JADE3: variants seen among roughly 807,000 people sequenced by gnomAD.
The protein encoded by JADE3 is jade family PHD finger 3, also known as protein Jade-3.
JADE3 carries 2 observed loss-of-function variants against 50.1 expected under a neutral mutation model. The observed-to-expected ratio is 0.04, with a 90% CI of 0.02 to 0.13. The LOEUF (loss-of-function observed/expected upper bound fraction) is 0.13, where lower values mean the gene tolerates loss of function less well. JADE3 is among the 10% of genes least tolerant of loss of function. The probability of loss-of-function intolerance (pLI) is 1.00; values close to 1 mark genes in which losing one functional copy is unlikely to be tolerated. For missense variants in JADE3, 475 were observed against 634.4 expected (o/e 0.75, Z 2.70); for synonymous variants, 218 against 232.9 (o/e 0.94, Z 0.58).
intron 5 of JADE3, 61 bp downstream of exon 5, chrX:47,024,975 G>A (rs1928878217): frequency 1.7e-6 from 1 of 596,594 alleles, no homozygotes; most frequent in Admixed American, 3.5e-5. Context: ...TAAGTTATCA[G>A]AACCCTTTAG....
At chrX:46,924,728 A>G (rs782611337) in intron 1 of JADE3, among the ~76,000 whole-genome samples, 5 of 112,249 alleles carry the variant, frequency 4.5e-5, no homozygotes, top group Non-Finnish European at 9.4e-5. Context: ...AAAATCCTCT[A>G]TACCACTTAA....
At chrX:46,990,707 C>G (rs1321826007) in intron 3 of JADE3, among the ~76,000 whole-genome samples, 1 of 111,378 alleles carries the variant, frequency 9.0e-6, no homozygotes, top group East Asian at 2.8e-4. Context: ...AAATATAATT[C>G]TTGTAGCATA....
At chrX:47,053,907 ACTTGATG>A (rs1302189613) in intron 8 of JADE3, among the ~76,000 whole-genome samples, 1 of 111,592 alleles carries the variant, frequency 9.0e-6, no homozygotes, top group Non-Finnish European at 1.9e-5. Context: ...ATCTCAGAAA[ACTTGATG>A]CTTGAATGCT....
chrX:46,948,993 G>A (rs1556344172), intron 1 of JADE3, among the ~76,000 whole-genome samples: 1 of 111,175 alleles, frequency 9.0e-6, no homozygotes, highest in Non-Finnish European at 1.9e-5. Flanking sequence ...GAATGCAGTG[G>A]CACAATCATG....
chrX:46,971,176 C>A (rs1927476735), intron 1 of JADE3, among the ~76,000 whole-genome samples: 1 of 92,619 alleles, frequency 1.1e-5, no homozygotes, highest in Non-Finnish European at 2.0e-5. Context: ...AGTGCAATGG[C>A]GCGATCTCGG....
intron 4 of JADE3, among the ~76,000 whole-genome samples, chrX:46,999,696 T>C (rs1556358533): frequency 9.1e-6 from 1 of 109,765 alleles, no homozygotes; most frequent in Non-Finnish European, 1.9e-5. Flanking sequence ...GGCTTTGGTT[T>C]TAGAAAGAGG....
chrX:47,007,802 TTATTTTG>T (rs1928462299), intron 4 of JADE3, among the ~76,000 whole-genome samples: 1 of 76,122 alleles, frequency 1.3e-5, no homozygotes, highest in Admixed American at 1.6e-4. Context: ...GCGTGTCCTT[TTATTTTG>T]TGTGTGTGTG....
At chrX:46,985,050 G>A in intron 2 of JADE3, 110 bp downstream of exon 2, 1 of 616,811 alleles carries the variant, frequency 1.6e-6, no homozygotes, top group South Asian at 2.9e-5. Flanking sequence ...GTTGAAAAAT[G>A]TTTCTGAGAA....
chrX:47,004,145 C>T (rs1928359048), intron 4 of JADE3, among the ~76,000 whole-genome samples: 1 of 110,143 alleles, frequency 9.1e-6, no homozygotes, highest in South Asian at 3.8e-4. Context: ...AGGCTGGTCT[C>T]AAGCTCCTGA....
At chrX:46,970,157 G>A (rs1318563052) in intron 1 of JADE3, among the ~76,000 whole-genome samples, 5 of 112,517 alleles carry the variant, frequency 4.4e-5, no homozygotes, top group Non-Finnish European at 7.5e-5. Flanking sequence ...ATTCCCATGT[G>A]TAATGGGGGT....
chrX:46,930,660 A>G (rs1211432450), intron 1 of JADE3, among the ~76,000 whole-genome samples: 1 of 111,673 alleles, frequency 9.0e-6, no homozygotes, highest in East Asian at 2.8e-4. Context: ...TGGCTCTCAC[A>G]AAAGTTCAAA....
At chrX:46,923,393 CT>C (rs782555482) in intron 1 of JADE3, among the ~76,000 whole-genome samples, 4 of 11,522 alleles carry the variant, frequency 3.5e-4, no homozygotes, top group African/African-American at 5.9e-4. Flanking sequence ...CTCTCTCTCT[CT>C]TTTTTTTTTT....
At chrX:47,055,538 G>A (rs1213156121) in intron 9 of JADE3, among the ~76,000 whole-genome samples, 1 of 112,118 alleles carries the variant, frequency 8.9e-6, no homozygotes, top group Non-Finnish European at 1.9e-5. Flanking sequence ...ATTTACAGAT[G>A]AACAAACTGG....
intron 1 of JADE3, among the ~76,000 whole-genome samples, chrX:46,976,609 T>G (rs782417737): frequency 8.9e-6 from 1 of 112,117 alleles, no homozygotes; most frequent in Non-Finnish European, 1.9e-5. Flanking sequence ...TGCTCTGATC[T>G]GAGGACTAGA....
intron 8 of JADE3, among the ~76,000 whole-genome samples, chrX:47,048,554 C>T (rs782498245): frequency 1.1e-3 from 128 of 112,209 alleles, no homozygotes; most frequent in African/African-American, 4.0e-3. Flanking sequence ...ACCTGAAGAA[C>T]ATGCTAAGTG....
intron 1 of JADE3, among the ~76,000 whole-genome samples, chrX:46,968,721 C>T (rs1271914867): frequency 9.0e-6 from 1 of 110,614 alleles, no homozygotes; most frequent in Non-Finnish European, 1.9e-5. Context: ...GGTCGATCCA[C>T]CAAGAAGGCA....
At chrX:46,942,875 C>A (rs1556342573) in intron 1 of JADE3, among the ~76,000 whole-genome samples, 2 of 111,756 alleles carry the variant, frequency 1.8e-5, no homozygotes, top group African/African-American at 6.5e-5. Context: ...ATTGTGATTT[C>A]TTTCAGCAGT....
At chrX:46,941,721 A>T (rs782071050) in intron 1 of JADE3, among the ~76,000 whole-genome samples, 3 of 78,222 alleles carry the variant, frequency 3.8e-5, no homozygotes, top group Non-Finnish European at 4.8e-5. Context: ...AGAAGTGTCC[A>T]TGTCCTTTGC....
At chrX:46,948,433 C>T in intron 1 of JADE3, among the ~76,000 whole-genome samples, 1 of 112,096 alleles carries the variant, frequency 8.9e-6, no homozygotes, top group Non-Finnish European at 1.9e-5. Flanking sequence ...GTAAAGGATG[C>T]CTGTATTCTC....
Sources: gnomAD v4.1 joint callset for allele counts (sites outside exome capture counted in the v4.1 genomes callset) on GRCh38, gnomAD v4.1.1 for gene constraint, MANE v1.5 for transcripts, NCBI Gene and HGNC (gene_info 2026-07-23, HGNC 2026-07-21) for gene names.